HCN2: variants seen among roughly 807,000 people sequenced by gnomAD.
HCN2 encodes the protein hyperpolarization activated cyclic nucleotide gated potassium and sodium channel 2, also known as potassium/sodium hyperpolarization-activated cyclic nucleotide-gated channel 2.
Under a neutral mutation model 52.3 loss-of-function variants are expected in HCN2, and 20 were observed. The observed-to-expected ratio is 0.38, with a 90% CI of 0.27 to 0.56. The LOEUF is 0.56. HCN2 is among the 20% of genes least tolerant of loss of function. The pLI is 0.71. For synonymous variants in HCN2, 694 were observed against 537.0 expected, an observed-to-expected ratio of 1.29 and a Z score of -4.04; for missense variants, 981 against 1,207.7, an observed-to-expected ratio of 0.81 and a Z score of 2.78.
At chr19:608,721 G>T (rs770802106) in intron 4 of HCN2, among the ~76,000 whole-genome samples, 4 of 152,048 alleles carry the variant, frequency 2.6e-5, no homozygotes, top group Admixed American at 6.5e-5. Context: ...CCACCTGGGG[G>T]TCTCTAGGCC....
chr19:594,179 C>T (rs1451825427), intron 1 of HCN2, among the ~76,000 whole-genome samples: 6 of 150,474 alleles, frequency 4.0e-5, no homozygotes, highest in South Asian at 2.1e-4. Context: ...GAGGAGGTCG[C>T]GTTCTCCGAA....
At chr19:615,062 C>T (rs1280535103) in intron 7 of HCN2, among the ~76,000 whole-genome samples, 2 of 152,156 alleles carry the variant, frequency 1.3e-5, no homozygotes, top group East Asian at 1.9e-4. Flanking sequence ...CTTCTGTATA[C>T]AGCAGGTGCT....
At chr19:602,635 C>G (rs1024807833) in intron 1 of HCN2, among the ~76,000 whole-genome samples, 1 of 152,326 alleles carries the variant, frequency 6.6e-6, no homozygotes, top group Admixed American at 6.5e-5. Context: ...CTGCTGCTTC[C>G]CAGTGCCCCT....
intron 7 of HCN2, among the ~76,000 whole-genome samples, chr19:615,147 G>A (rs564590438): frequency 2.4e-4 from 37 of 152,206 alleles, no homozygotes; most frequent in South Asian, 4.2e-4. Context: ...CATAATCAGC[G>A]TATACAGGTG....
At position 604,936 on chromosome 19, in the gene HCN2, G is replaced by A; in HGVS notation, c.1057-125G>A. ...GGCTGCAGGGTGGGGCGGGGGTCCT[G>A]TGCGGGGCCTTGGATTTGGGGGAGG... On this transcript the variant is annotated intron_variant, in intron 2 of 7. Transcript: ENST00000251287. 4 of 1,041,844 alleles carry A rather than the reference G, an allele frequency of 3.8e-6. No homozygotes were observed. The South Asian group carries it at 4.7e-5, about 12-fold the overall frequency. The allele number at this position is 1,041,844 out of a possible 1,614,324, so 64.5% of individuals were successfully genotyped here.
rs746711581 is a variant in HCN2 at position 613,813 on chromosome 19, C to T, written c.1826-39C>T. On this transcript the variant is annotated intron_variant, in intron 6 of 7. Coordinates refer to ENST00000251287, the MANE Select transcript of HCN2 (RefSeq NM_001194.4). Reference sequence around the variant, plus strand: ...CCTGGGCGGGGAGGGCCGCGGCGCCCGCCTCGTCCAGCAACCCCCCCCTGC... The same window carrying T: ...CCTGGGCGGGGAGGGCCGCGGCGCCTGCCTCGTCCAGCAACCCCCCCCTGC... The T allele has an allele frequency of 1.0e-5, 15 of 1,466,834 alleles. 1 individual carries two copies. Among genetic ancestry groups the T allele is most frequent in the South Asian group, 2.8e-5 (2 of 71,664 alleles). The allele number at this position is 1,466,834 out of a possible 1,614,324, so 90.9% of individuals were successfully genotyped here. A position where few individuals can be genotyped will look rare whatever the true frequency, so the allele number is the denominator to read the frequency against.
In HCN2 at chr19:613,976, C is replaced by T. The variant is rs145575878; in HGVS notation, c.1950C>T (p.Arg650=). The change falls in exon 7 of 8, where the codon CGC becomes CGT. Residue 650 remains arginine, a synonymous_variant. Coordinates refer to ENST00000251287, the MANE Select transcript of HCN2 (RefSeq NM_001194.4). ...EVLEEYPMMR[R]AFETVAIDRL... The stretch of plus-strand genomic sequence containing the variant: ...TGGAGGAGTACCCCATGATGCGGCG[C>T]GCCTTCGAGACGGTGGCCATCGACC... 1.7e-4 allele frequency: 273 copies of T among 1,599,428 alleles called. 1 individual carries two copies. In the African/African-American group the frequency reaches 3.3e-3, roughly 19 times the overall value.
chr19:613,539 C>G, intron 6 of HCN2, 51 bp downstream of exon 6: 1 of 1,079,758 alleles, frequency 9.3e-7, no homozygotes, highest in South Asian at 1.3e-5. Flanking sequence ...GCGACCCCCG[C>G]GGTGTGCAGA....
At chr19:613,674 T>TCC (rs1568368827) in intron 6 of HCN2, among the ~76,000 whole-genome samples, 178 bp from the exon 7 acceptor site, 2,000 of 12,124 alleles carry the variant, frequency 0.16, 249 homozygotes, top group East Asian at 0.41. Flanking sequence ...GGGATGGGGA[T>TCC]GGGGCCGGGG....
In HCN2 at chr19:610,331, T is replaced by C; in HGVS notation, c.1510T>C (p.Tyr504His). ...CTTCCGCCAGAAGATCCACGACTAC[T>C]ATGAGCACCGTTACCAGGGCAAGAT... ...ADFRQKIHDY[Y>H]EHRYQGKMFD... is the part of the protein sequence containing the mutation. The change falls in exon 5 of 8, where the codon TAT (tyrosine) becomes CAT (histidine). Residue 504 changes from tyrosine (Y) to histidine (H), a missense_variant. Physicochemically the swap from Tyr to His is moderately conservative, Grantham distance 83 (BLOSUM62 2). This residue lies in a region of HCN2 where 282 missense variants were observed against 553.8 expected (regional missense o/e 0.51). Transcript: ENST00000251287. 6.2e-7 allele frequency: 1 copy of C among 1,613,790 alleles called. No homozygotes were observed. Among genetic ancestry groups the C allele is most frequent in the Non-Finnish European group, 8.5e-7 (1 of 1,179,796 alleles).
At chr19:603,381 T>C (rs202113301) in intron 1 of HCN2, among the ~76,000 whole-genome samples, 163 bp from the exon 2 acceptor site, 6 of 84,622 alleles carry the variant, frequency 7.1e-5, no homozygotes, top group South Asian at 9.5e-4. Flanking sequence ...GTGCCCCTCG[T>C]CCCACAGGGA....
In HCN2 at chr19:615,981, C is replaced by T. The variant is rs746826702; in HGVS notation, c.2177C>T (p.Ala726Val). ...CCGCCGCCGCCGCAGGTCACCTCGG[C>T]CATCGCCACGCTGCAGCAGGCGGCG... ...PPPPPPQVTSAIATLQQAAAM... is the reference protein window; with the variant it reads ...PPPPPPQVTSVIATLQQAAAM... The change falls in exon 8 of 8, where the codon GCC becomes GTC. Residue 726 changes from alanine to valine, a missense_variant. By Grantham distance (64) the Ala-to-Val change is moderately conservative. This residue lies in a region of HCN2 where 368 missense variants were observed against 314.8 expected (regional missense o/e 1.17). Coordinates refer to ENST00000251287, the MANE Select transcript of HCN2 (RefSeq NM_001194.4). 1.8e-4 allele frequency: 280 copies of T among 1,593,468 alleles called. 1 individual carries two copies. Among genetic ancestry groups the T allele is most frequent in the Non-Finnish European group, 2.3e-4 (266 of 1,173,304 alleles).
chr19:617,118 C>CCAAAAA lies in HCN2; in HGVS notation c.*644_*645insCAAAAA. 1.5e-6 allele frequency: 1 copy of CCAAAAA among 683,942 alleles called. No individual in the cohort carries two copies. The highest frequency in any genetic ancestry group is 2.4e-6 in the Non-Finnish European group (1 of 410,066). 42.4% of individuals were successfully genotyped at this position (683,942 alleles called of 1,614,324 possible). On this transcript the variant is annotated 3_prime_UTR_variant, in exon 8 of 8. Coordinates refer to ENST00000251287, the MANE Select transcript of HCN2 (RefSeq NM_001194.4). ...TGGCCCCCCACGCCCCATTAACCCC[C>CCAAAAA]ACACCCCCATTCCGCGCAATAAACG...
At chr19:593,908 A>C (rs1475919027) in intron 1 of HCN2, among the ~76,000 whole-genome samples, 1 of 152,236 alleles carries the variant, frequency 6.6e-6, no homozygotes, top group Admixed American at 6.5e-5. Context: ...GGGCTTCGGC[A>C]GGGTCTTCTG....
chr19:607,474 C>T (rs1049601376), intron 3 of HCN2, among the ~76,000 whole-genome samples: 8 of 152,244 alleles, frequency 5.3e-5, no homozygotes, highest in African/African-American at 1.7e-4. Flanking sequence ...CTGAGGCAGC[C>T]CATTGTCTGG....
chr19:613,783 G>A lies in HCN2; in HGVS notation c.1826-69G>A, dbSNP rs1983773545. 1.6e-5 allele frequency: 23 copies of A among 1,404,856 alleles called. No homozygotes were observed. The East Asian group carries it at 4.0e-4, about 24-fold the overall frequency. 87.0% of individuals were successfully genotyped at this position (1,404,856 alleles called of 1,614,324 possible). A position where few individuals can be genotyped will look rare whatever the true frequency, so the allele number is the denominator to read the frequency against. ...CTGGCCAAGGTGCAGAGGCCGGGCC[G>A]TGTGCCTGGGCGGGGAGGGCCGCGG... is the stretch of plus-strand genomic sequence containing the variant. On this transcript the variant is annotated intron_variant, in intron 6 of 7. Transcript: ENST00000251287.
intron 5 of HCN2, among the ~76,000 whole-genome samples, chr19:611,783 C>A (rs1238431211): frequency 6.6e-6 from 1 of 152,148 alleles, no homozygotes; most frequent in African/African-American, 2.4e-5. Context: ...ACTCCCCGTC[C>A]CCAGCCCCTG....
chr19:610,860 CCCA>C (rs1983602531), intron 5 of HCN2, among the ~76,000 whole-genome samples: 1 of 152,086 alleles, frequency 6.6e-6, no homozygotes, highest in Non-Finnish European at 1.5e-5. Context: ...GATTCGGCCT[CCCA>C]CCGTCCTGGA....
intron 4 of HCN2, among the ~76,000 whole-genome samples, chr19:609,485 G>A (rs1259909891): frequency 6.6e-6 from 1 of 152,252 alleles, no homozygotes; most frequent in East Asian, 1.9e-4. Context: ...AGGGCACCCG[G>A]CCTGGTGCAG....
Sources: allele counts gnomAD v4.1 joint callset (sites outside exome capture counted in the v4.1 genomes callset), GRCh38; gene constraint gnomAD v4.1.1; regional missense constraint gnomAD v4.1.1; transcripts MANE v1.5; gene names NCBI Gene and HGNC (gene_info 2026-07-23, HGNC 2026-07-21).